RNF145: variants seen among roughly 807,000 people sequenced by gnomAD.
The protein encoded by RNF145 is ring finger protein 145.
In RNF145, 12 loss-of-function variants were observed where a neutral mutation model predicts 57.3. That is an observed-to-expected ratio of 0.21 (90% confidence interval 0.13 to 0.34). The LOEUF (loss-of-function observed/expected upper bound fraction) is 0.34. RNF145 is among the 10% of genes least tolerant of loss of function. RNF145 has a pLI of 1.00. For synonymous variants in RNF145, 262 were observed against 288.3 expected (o/e 0.91, Z 0.92); for missense variants, 429 against 799.0 (o/e 0.54, Z 5.58).
intron 9 of RNF145, among the ~76,000 whole-genome samples, chr5:159,162,636 T>G (rs977568829): frequency 1.3e-4 from 20 of 151,388 alleles, no homozygotes; most frequent in South Asian, 4.2e-4. Flanking sequence ...GGGTTTCACC[T>G]TGTTAGCCAG....
intron 2 of RNF145, 136 bp from the exon 3 acceptor site, chr5:159,194,960 G>GT: frequency 1.7e-6 from 1 of 589,882 alleles, no homozygotes; most frequent in Non-Finnish European, 2.9e-6. Context: ...ACTTACCAAA[G>GT]TAAGTTTAGC....
At position 159,209,455 on chromosome 5, in the gene RNF145, G is replaced by A; in HGVS notation, c.-264C>T. On this transcript the variant is annotated 5_prime_UTR_variant, in exon 1 of 11. Transcript: ENST00000424310. ...CCGGCCCGTACGGTCACCATCGTCC[G>A]CGGCAGCAGGCGCTCGCGGGCCGAG... is the stretch of plus-strand genomic sequence containing the variant. 6.1e-6 allele frequency: 6 copies of A among 982,588 alleles called. No homozygotes were observed. Among genetic ancestry groups the A allele is most frequent in the Non-Finnish European group, 7.3e-6 (6 of 827,194 alleles). The allele number at this position is 982,588 out of a possible 1,614,324, so 60.9% of individuals were successfully genotyped here.
chr5:159,189,063 C>T (rs780811305), intron 3 of RNF145, among the ~76,000 whole-genome samples: 2 of 151,906 alleles, frequency 1.3e-5, no homozygotes, highest in African/African-American at 2.4e-5. Context: ...AACTAGATTG[C>T]AGTGAATGGA....
intron 1 of RNF145, chr5:159,207,353 C>T: frequency 1.5e-6 from 1 of 651,938 alleles, no homozygotes; most frequent in Non-Finnish European, 2.6e-6. Flanking sequence ...AATACACCTC[C>T]TAAACTTTTT....
At chr5:159,160,004 G>T (rs1032309943) in intron 10 of RNF145, among the ~76,000 whole-genome samples, 17 of 152,094 alleles carry the variant, frequency 1.1e-4, no homozygotes, top group African/African-American at 3.1e-4. Flanking sequence ...TCTCATTTTC[G>T]ATGTGATATC....
Position 159,209,359 on chromosome 5 carries a change from G to T in RNF145, c.-168C>A. Reference sequence around the variant, plus strand: ...GGGGGCCGGTACGGCACGGCTCACAGCGGCGGCTCTTCTGCGCCGAGCCTC... The same window carrying T: ...GGGGGCCGGTACGGCACGGCTCACATCGGCGGCTCTTCTGCGCCGAGCCTC... On this transcript the variant is annotated 5_prime_UTR_variant, in exon 1 of 11. The change creates a new upstream start codon in the 5' untranslated region. Transcript: ENST00000424310. 1 of 986,158 alleles carries T rather than the reference G, an allele frequency of 1.0e-6. No homozygotes were observed. The highest frequency in any genetic ancestry group is 4.6e-5 in the South Asian group (1 of 21,844). 61.1% of individuals were successfully genotyped at this position (986,158 alleles called of 1,614,324 possible). A position where few individuals can be genotyped will look rare whatever the true frequency, so the allele number is the denominator to read the frequency against.
intron 1 of RNF145, among the ~76,000 whole-genome samples, chr5:159,207,147 T>G (rs1785918125): frequency 6.6e-6 from 1 of 152,154 alleles, no homozygotes; most frequent in Non-Finnish European, 1.5e-5. Context: ...ATTTGTGGGT[T>G]AGAAAACACA....
chr5:159,200,006 G>A (rs532043390), intron 2 of RNF145, among the ~76,000 whole-genome samples: 31 of 152,102 alleles, frequency 2.0e-4, no homozygotes, highest in African/African-American at 3.4e-4. Context: ...TCCCACTTAC[G>A]ATAGCAATAA....
chr5:159,205,328 A>G (rs1785838294), intron 1 of RNF145, among the ~76,000 whole-genome samples: 1 of 152,220 alleles, frequency 6.6e-6, no homozygotes, highest in South Asian at 2.1e-4. Context: ...ATGTCCTAAG[A>G]AGGAAAAATG....
intron 9 of RNF145, among the ~76,000 whole-genome samples, chr5:159,162,596 G>A (rs62378678): frequency 3.3e-5 from 5 of 151,462 alleles, no homozygotes; most frequent in African/African-American, 9.7e-5. Context: ...CACCGCGCCC[G>A]GCTAATTTTT....
chr5:159,202,274 A>C (rs1183906231), intron 2 of RNF145, among the ~76,000 whole-genome samples: 1 of 152,238 alleles, frequency 6.6e-6, no homozygotes, highest in Non-Finnish European at 1.5e-5. Flanking sequence ...TAATCTAAAA[A>C]TCTAAGCCAA....
chr5:159,179,331 A>G (rs573900770), intron 4 of RNF145, among the ~76,000 whole-genome samples: 1 of 152,248 alleles, frequency 6.6e-6, no homozygotes, highest in Admixed American at 6.6e-5. Flanking sequence ...GCCTATTTCA[A>G]CTTTTAACTC....
At chr5:159,182,372 T>A (rs1016617128) in intron 3 of RNF145, among the ~76,000 whole-genome samples, 13 of 152,062 alleles carry the variant, frequency 8.5e-5, no homozygotes, top group African/African-American at 3.1e-4. Flanking sequence ...TCAACTCTAC[T>A]ACACTAACCA....
intron 9 of RNF145, among the ~76,000 whole-genome samples, chr5:159,162,290 TTAATA>T (rs1784242515): frequency 1.3e-5 from 2 of 152,312 alleles, no homozygotes; most frequent in African/African-American, 4.8e-5. Flanking sequence ...CTAAAAACTT[TTAATA>T]TTTTAGTTAC....
intron 1 of RNF145, chr5:159,208,182 C>T (rs1785967692): frequency 2.2e-6 from 3 of 1,363,092 alleles, no homozygotes; most frequent in Non-Finnish European, 2.8e-6. Context: ...CCCAACCCAG[C>T]TCGCGGCAAG....
At chr5:159,206,563 C>T (rs745432523) in intron 1 of RNF145, among the ~76,000 whole-genome samples, 2 of 152,132 alleles carry the variant, frequency 1.3e-5, no homozygotes, top group East Asian at 1.9e-4. Flanking sequence ...CTATATCATA[C>T]AAACACGAAG....
intron 3 of RNF145, among the ~76,000 whole-genome samples, chr5:159,191,674 C>A (rs1230598006): frequency 1.3e-5 from 2 of 152,238 alleles, no homozygotes; most frequent in East Asian, 3.9e-4. Context: ...TGCCTGTAGT[C>A]CCAGCTACTC....
intron 1 of RNF145, chr5:159,208,045 C>T (rs1785961208): frequency 6.6e-7 from 1 of 1,515,178 alleles, no homozygotes; most frequent in Admixed American, 2.1e-5. Flanking sequence ...TTCCTCTTTA[C>T]TGCAGACTGC....
At chr5:159,192,163 T>A (rs1422723535) in intron 3 of RNF145, among the ~76,000 whole-genome samples, 1 of 152,202 alleles carries the variant, frequency 6.6e-6, no homozygotes, top group Non-Finnish European at 1.5e-5. Context: ...GTATTAGGTA[T>A]TATAATAATC....
Sources: allele counts gnomAD v4.1 joint callset (sites outside exome capture counted in the v4.1 genomes callset), GRCh38; gene constraint gnomAD v4.1.1; transcripts MANE v1.5; gene names NCBI Gene and HGNC (gene_info 2026-07-23, HGNC 2026-07-21).